Variants in PECR observed in about 807,000 individuals in gnomAD.
The protein encoded by PECR is 2,4-dienoyl-CoA reductase-related protein.
PECR carries 30 observed loss-of-function variants against 35.3 expected under a neutral mutation model. That is an observed-to-expected ratio of 0.85 (90% confidence interval 0.64 to 1.15). PECR has a LOEUF of 1.15. PECR is among the 50% of genes most tolerant of loss of function. The probability of loss-of-function intolerance (pLI) is 0.00; values close to 1 mark genes in which losing one functional copy is unlikely to be tolerated. For missense variants in PECR, 392 were observed against 370.8 expected, an observed-to-expected ratio of 1.06 and a Z score of -0.47; for synonymous variants, 148 against 138.9, an observed-to-expected ratio of 1.07 and a Z score of -0.46.
In PECR at chr2:216,060,371, A is replaced by C. The variant is rs74587174; in HGVS notation, c.425-1395T>G. Among the ~76,000 whole-genome samples, 1,306 of 152,292 alleles carry C rather than the reference A, an allele frequency of 8.6e-3. 26 individuals carry two copies. The highest frequency in any genetic ancestry group is 0.03 in the African/African-American group (1,231 of 41,544). ...AGTACCCAAATCTCGCCTTCTAAAA[A>C]TCATTCCCGGCTAGGAGTGGTGGCT... is the stretch of plus-strand genomic sequence containing the variant. On this transcript the variant is annotated intron_variant, in intron 3 of 7. Transcript: ENST00000265322.
intron 2 of PECR, 128 bp from the exon 3 acceptor site, chr2:216,065,605 T>C (rs1368217322): frequency 8.6e-6 from 6 of 696,416 alleles, no homozygotes; most frequent in Admixed American, 4.1e-5. Context: ...AGTGCCACAA[T>C]GAATGAACAT....
chr2:216,050,534 C>G (rs1174935020), intron 5 of PECR, among the ~76,000 whole-genome samples: 4 of 152,186 alleles, frequency 2.6e-5, no homozygotes, highest in African/African-American at 9.7e-5. Flanking sequence ...AGATTACTAA[C>G]TTCATGCTTG....
In PECR at chr2:216,081,544, G is replaced by A. The variant is rs541404985; in HGVS notation, c.124+74C>T. ...CCACACTCCCTCAGCCCCGCCGAGAGCTCCTGGCTCCCGTCTCCAGGTTAC... is the reference window on the plus strand; with the variant it reads ...CCACACTCCCTCAGCCCCGCCGAGAACTCCTGGCTCCCGTCTCCAGGTTAC... On this transcript the variant is annotated intron_variant, in intron 1 of 7. Transcript: ENST00000265322. 897 of 1,588,288 alleles carry A rather than the reference G, an allele frequency of 5.6e-4. 1 individual carries two copies. Among genetic ancestry groups the A allele is most frequent in the Non-Finnish European group, 5.9e-4 (681 of 1,157,642 alleles).
At chr2:216,057,096 A>C (rs762637617) in intron 4 of PECR, among the ~76,000 whole-genome samples, 1 of 152,198 alleles carries the variant, frequency 6.6e-6, no homozygotes, top group Non-Finnish European at 1.5e-5. Flanking sequence ...TTTCACTCAT[A>C]AAGGAACTAC....
chr2:216,078,881 A>G (rs956347041), intron 1 of PECR, among the ~76,000 whole-genome samples: 1 of 151,024 alleles, frequency 6.6e-6, no homozygotes, highest in Non-Finnish European at 1.5e-5. Context: ...TTCAAATAGC[A>G]CACTTATGCA....
At chr2:216,074,083 C>T (rs2105968395) in intron 1 of PECR, among the ~76,000 whole-genome samples, 1 of 152,354 alleles carries the variant, frequency 6.6e-6, no homozygotes, top group South Asian at 2.1e-4. Context: ...GATATTTCTG[C>T]CTTCAACATA....
intron 1 of PECR, among the ~76,000 whole-genome samples, chr2:216,076,404 G>A (rs11680957): frequency 0.058 from 8,809 of 152,196 alleles, 678 homozygotes; most frequent in African/African-American, 0.17. Context: ...TTCATGCAAG[G>A]ATGTAGTCTT....
At chr2:216,078,634 G>A (rs534757626) in intron 1 of PECR, among the ~76,000 whole-genome samples, 1 of 151,540 alleles carries the variant, frequency 6.6e-6, no homozygotes, top group African/African-American at 2.4e-5. Flanking sequence ...TTCACTGAAG[G>A]AAATCCATTT....
intron 2 of PECR, 90 bp downstream of exon 2, chr2:216,066,295 C>T (rs1040233713): frequency 2.8e-6 from 3 of 1,083,094 alleles, no homozygotes; most frequent in African/African-American, 3.1e-5. Flanking sequence ...AAGACAGCTA[C>T]AATAGGAGAA....
In PECR at chr2:216,073,290, C is replaced by T. The variant is rs189625037; in HGVS notation, c.125-6772G>A. Among the ~76,000 whole-genome samples, 28 of 152,252 alleles carry T rather than the reference C, an allele frequency of 1.8e-4. 1 individual carries two copies. The highest frequency in any genetic ancestry group is 5.8e-4 in the African/African-American group (24 of 41,554). On this transcript the variant is annotated intron_variant, in intron 1 of 7. Transcript: ENST00000265322. ...ACACACCCCATAACAATGTTTTGGT[C>T]AATGATAGACCACATGTATGGCAGT...
At chr2:216,074,290 C>CA (rs1187072145) in intron 1 of PECR, among the ~76,000 whole-genome samples, 1 of 151,882 alleles carries the variant, frequency 6.6e-6, no homozygotes, top group South Asian at 2.1e-4. Flanking sequence ...ACTAAAAATA[C>CA]AAAAAAATTA....
At chr2:216,054,462 A>C (rs1695186360) in intron 4 of PECR, among the ~76,000 whole-genome samples, 2 of 145,086 alleles carry the variant, frequency 1.4e-5, no homozygotes, top group South Asian at 4.3e-4. Flanking sequence ...CAGCCCCCCG[A>C]GTAGCTAAGA....
Position 216,038,653 on chromosome 2 carries a change from C to G in PECR, c.*622G>C, listed in dbSNP as rs1296265664. The G allele has an allele frequency of 6.6e-6, 1 of 152,210 alleles. No homozygotes were observed. The highest frequency in any genetic ancestry group is 2.4e-5 in the African/African-American group (1 of 41,378). The allele number at this position is 152,210 out of a possible 1,614,324, so 9.4% of individuals were successfully genotyped here. ...TGAGATGCAGTCTCACTCTGTAGCCCAGGCTGGACTGCAGTAGCATGATCT... is the reference window on the plus strand; with the variant it reads ...TGAGATGCAGTCTCACTCTGTAGCCGAGGCTGGACTGCAGTAGCATGATCT... On this transcript the variant is annotated 3_prime_UTR_variant, in exon 8 of 8. Coordinates refer to ENST00000265322, the MANE Select transcript of PECR (RefSeq NM_018441.6).
chr2:216,041,585 G>A (rs1217315061), intron 7 of PECR, among the ~76,000 whole-genome samples: 9 of 152,218 alleles, frequency 5.9e-5, no homozygotes, highest in East Asian at 1.9e-4. Flanking sequence ...TCCTAGACTC[G>A]CCAAAGTGAT....
intron 7 of PECR, among the ~76,000 whole-genome samples, chr2:216,042,696 G>GAC (rs1205111404): frequency 6.6e-6 from 1 of 151,872 alleles, no homozygotes; most frequent in African/African-American, 2.4e-5. Context: ...CTAGTCATGA[G>GAC]ACACACACAC....
chr2:216,078,922 G>A (rs2105972290), intron 1 of PECR, among the ~76,000 whole-genome samples: 1 of 151,374 alleles, frequency 6.6e-6, no homozygotes, highest in South Asian at 2.1e-4. Flanking sequence ...GCACACTTAT[G>A]CAACAGGATG....
At position 216,062,125 on chromosome 2, in the gene PECR, A is replaced by C. The variant is rs144989636; in HGVS notation, c.425-3149T>G. On this transcript the variant is annotated intron_variant, in intron 3 of 7. Coordinates refer to ENST00000265322, the MANE Select transcript of PECR (RefSeq NM_018441.6). ...TGGAGGCGCCATCCCAGCTCACTGC[A>C]ACCTCCATCTCCCAGGTTCAAGCAA... is the stretch of plus-strand genomic sequence containing the variant. Among the ~76,000 whole-genome samples, 1,095 of 150,030 alleles carry C rather than the reference A, an allele frequency of 7.3e-3. 8 individuals carry two copies. Among genetic ancestry groups the C allele is most frequent in the African/African-American group, 0.025 (1,037 of 40,690 alleles).
chr2:216,070,351 A>G (rs139688886), intron 1 of PECR, among the ~76,000 whole-genome samples: 158 of 152,328 alleles, frequency 1.0e-3, no homozygotes, highest in African/African-American at 3.8e-3. Flanking sequence ...GAAATACACA[A>G]TGCATTACTA....
chr2:216,069,742 C>T (rs892194749), intron 1 of PECR, among the ~76,000 whole-genome samples: 42 of 152,146 alleles, frequency 2.8e-4, no homozygotes, highest in African/African-American at 9.9e-4. Flanking sequence ...TCGAGACCAG[C>T]TTGACCAACA....
Sources: gnomAD v4.1 joint callset for allele counts (sites outside exome capture counted in the v4.1 genomes callset) on GRCh38, gnomAD v4.1.1 for gene constraint, MANE v1.5 for transcripts, NCBI Gene and HGNC (gene_info 2026-07-23, HGNC 2026-07-21) for gene names.